The following TUBAL3 variants were observed in gnomAD, a reference collection of about 807,000 sequenced individuals.
TUBAL3 encodes tubulin alpha like 3.
In TUBAL3, 16 loss-of-function variants were observed where a neutral mutation model predicts 15.5. That is an observed-to-expected ratio of 1.04 (90% CI 0.70 to 1.57). The LOEUF (loss-of-function observed/expected upper bound fraction) is 1.57. Ranked by LOEUF, TUBAL3 falls within the 40% of genes most tolerant of loss-of-function variation. The pLI, the probability that TUBAL3 is intolerant of heterozygous loss-of-function variation, is 0.00. For synonymous variants in TUBAL3, 238 were observed against 224.3 expected, an observed-to-expected ratio of 1.06 and a Z score of -0.55; for missense variants, 609 against 576.2, an observed-to-expected ratio of 1.06 and a Z score of -0.58.
Position 5,395,595 on chromosome 10 carries a change from TC to T in TUBAL3, c.248-121del. ...CCCATGCTTTCTCTCAATATTGTGG[TC>T]CAGGAATGGAATTTAGATAGTGCTG... On this transcript the variant is annotated intron_variant, in intron 2 of 3. Transcript: ENST00000380419. The surrounding 1 kb of genome is among the most constrained non-coding windows in gnomAD (Gnocchi z 4.6). The T allele has an allele frequency of 8.7e-7, 1 of 1,146,778 alleles. No homozygotes were observed. The highest frequency in any genetic ancestry group is 1.2e-6 in the Non-Finnish European group (1 of 861,304). 71.0% of individuals were successfully genotyped at this position (1,146,778 alleles called of 1,614,324 possible).
intron 1 of TUBAL3, 34 bp from the exon 2 acceptor site, chr10:5,401,121 G>A: frequency 1.9e-6 from 3 of 1,609,082 alleles, no homozygotes; most frequent in Non-Finnish European, 2.5e-6. Flanking sequence ...GAACTGAGCA[G>A]GTGTTTAGAA....
intron 1 of TUBAL3, among the ~76,000 whole-genome samples, chr10:5,402,778 T>G (rs2119150061): frequency 6.6e-6 from 1 of 152,296 alleles, no homozygotes; most frequent in East Asian, 1.9e-4. Flanking sequence ...GGGATCTAGG[T>G]TGTGTGCTCC....
intron 1 of TUBAL3, 92 bp from the exon 2 acceptor site, chr10:5,401,179 C>T (rs1831846369): frequency 6.6e-7 from 1 of 1,515,342 alleles, no homozygotes; most frequent in African/African-American, 1.4e-5. Flanking sequence ...TGACAGAAAC[C>T]AAGCTAGCTT....
Position 5,404,779 on chromosome 10 carries a change from T to C in TUBAL3, c.3+11A>G, listed in dbSNP as rs1831904792. ...TTTCCTACAACAATGCATAGGCGTG[T>C]AGTCACTTACCATGCTGATGAGAAC... On this transcript the variant is annotated intron_variant, in intron 1 of 3. Coordinates refer to ENST00000380419, the MANE Select transcript of TUBAL3 (RefSeq NM_024803.3). 6.2e-7 allele frequency: 1 copy of C among 1,613,678 alleles called. No homozygotes were observed. Among genetic ancestry groups the C allele is most frequent in the Non-Finnish European group, 8.5e-7 (1 of 1,179,716 alleles).
In TUBAL3 at chr10:5,394,243, C is replaced by T. The variant is rs1554813849; in HGVS notation, c.615G>A (p.Thr205=). ...VLTTHSTTEH[T]DCTFMVDNEA... is the part of the protein sequence containing the mutation. The stretch of plus-strand genomic sequence containing the variant: ...CGTTGTCCACCATGAAGGTACAGTC[C>T]GTGTGCTCTGTGGTGGAGTGGGTGG... Residue 205 remains threonine, a synonymous_variant, in exon 4 of 4, where the codon ACG becomes ACA. Transcript: ENST00000380419. The surrounding 1 kb of genome is among the most constrained non-coding windows in gnomAD (Gnocchi z 4.3). The T allele has an allele frequency of 1.9e-6, 3 of 1,613,992 alleles. No individual in the cohort carries two copies. The African/African-American group carries it at 4.0e-5, about 22-fold the overall frequency.
intron 2 of TUBAL3, among the ~76,000 whole-genome samples, chr10:5,399,342 G>A (rs1402847584): frequency 2.6e-5 from 4 of 152,198 alleles, no homozygotes; most frequent in Non-Finnish European, 5.9e-5. Flanking sequence ...GAGTAATTAG[G>A]TCATAAGGGT....
At chr10:5,404,652 C>A in intron 1 of TUBAL3, 138 bp downstream of exon 1, 1 of 863,396 alleles carries the variant, frequency 1.2e-6, no homozygotes. Flanking sequence ...TCTACTTGGA[C>A]ATTGAAAGAA....
intron 2 of TUBAL3, 40 bp downstream of exon 2, chr10:5,400,804 G>A: frequency 6.2e-7 from 1 of 1,611,286 alleles, no homozygotes; most frequent in African/African-American, 1.3e-5. Flanking sequence ...GTTTGAGTGT[G>A]GCTCCAGTTA....
chr10:5,394,204 A>G lies in TUBAL3; in HGVS notation c.654T>C (p.Asp218=), dbSNP rs1831725254. The G allele has an allele frequency of 8.7e-6, 14 of 1,614,126 alleles. No homozygotes were observed. Among genetic ancestry groups the G allele is most frequent in the East Asian group, 2.2e-5 (1 of 44,882 alleles). Residue 218 remains aspartate, a synonymous_variant, in exon 4 of 4, where the codon GAT becomes GAC. Coordinates refer to ENST00000380419, the MANE Select transcript of TUBAL3 (RefSeq NM_024803.3). The surrounding 1 kb of genome is among the most constrained non-coding windows in gnomAD (Gnocchi z 4.3). The stretch of plus-strand genomic sequence containing the variant: ...CAACACCGAGTTTACGATGGCATAT[A>G]TCATAGACGGCCTCGTTGTCCACCA... ...TFMVDNEAVY[D]ICHRKLGVEC...
Position 5,400,847 on chromosome 10 carries a change from T to G in TUBAL3, c.244A>C (p.Ile82Leu). ...ALFVDLEPTVIDGIRTGQHRS... is the reference protein window; with the variant it reads ...ALFVDLEPTVLDGIRTGQHRS... Reference sequence around the variant, plus strand: ...TAGAATGGAACATTTATTGTACCTATAACAGTTGGCTCCAAGTCCACGAAG... The same window carrying G: ...TAGAATGGAACATTTATTGTACCTAGAACAGTTGGCTCCAAGTCCACGAAG... Residue 82 changes from isoleucine (I) to leucine (L), a missense_variant, in exon 2 of 4, where the codon ATA becomes CTA. Ile to Leu is a conservative substitution (Grantham distance 5, BLOSUM62 2). Coordinates refer to ENST00000380419, the MANE Select transcript of TUBAL3 (RefSeq NM_024803.3). 6.2e-7 allele frequency: 1 copy of G among 1,614,200 alleles called. No homozygotes were observed.
chr10:5,403,573 T>A (rs1831888282), intron 1 of TUBAL3, among the ~76,000 whole-genome samples: 3 of 151,666 alleles, frequency 2.0e-5, no homozygotes, highest in African/African-American at 7.3e-5. Context: ...CCTCTTCACG[T>A]GGTCTGTTCA....
rs949821243 is a variant in TUBAL3, at chr10:5,396,153, T to C, written c.248-678A>G. 1.1e-4 allele frequency among the ~76,000 whole-genome samples: 16 copies of C among 152,148 alleles called. No homozygotes were observed. Among genetic ancestry groups the C allele is most frequent in the Admixed American group, 3.3e-4 (5 of 15,290 alleles). On this transcript the variant is annotated intron_variant, in intron 2 of 3. Transcript: ENST00000380419. The surrounding 1 kb of genome is among the most constrained non-coding windows in gnomAD (Gnocchi z 5.1). ...AACCCACTGCCCACCCTAGGACACA[T>C]TGGCATTTTGAGACAAGTATTTTTA...
At chr10:5,399,759 A>G (rs560020038) in intron 2 of TUBAL3, among the ~76,000 whole-genome samples, 1 of 152,272 alleles carries the variant, frequency 6.6e-6, no homozygotes, top group East Asian at 1.9e-4. Flanking sequence ...AACAGCCAGC[A>G]CCAAGGGGCA....
intron 1 of TUBAL3, among the ~76,000 whole-genome samples, chr10:5,402,069 A>G (rs1395135567): frequency 6.6e-6 from 1 of 152,222 alleles, no homozygotes; most frequent in Non-Finnish European, 1.5e-5. Flanking sequence ...CATATAGAGT[A>G]TGATGTCCAA....
At chr10:5,401,123 T>C (rs782480665) in intron 1 of TUBAL3, 36 bp from the exon 2 acceptor site, 1 of 1,608,698 alleles carries the variant, frequency 6.2e-7, no homozygotes, top group Admixed American at 1.7e-5. Context: ...ACTGAGCAGG[T>C]GTTTAGAAAA....
At position 5,393,709 on chromosome 10, in the gene TUBAL3, G is replaced by T. The variant is rs782069663; in HGVS notation, c.1149C>A (p.Cys383Ter). The T allele has an allele frequency of 6.2e-7, 1 of 1,614,216 alleles. No individual in the cohort carries two copies. The highest frequency in any genetic ancestry group is 8.5e-7 in the Non-Finnish European group (1 of 1,180,042). Residue 383 changes from cysteine to a stop codon, truncating the protein, a stop_gained, in exon 4 of 4, where the codon TGC (cysteine) becomes TGA (stop). Coordinates refer to ENST00000380419, the MANE Select transcript of TUBAL3 (RefSeq NM_024803.3). LOFTEE classifies it high-confidence loss of function. ...CAATCGCCGTGGTGTTGCTCAGCAT[G>T]CAGATGGACCGGTGGACTTTGGCCA... ...GDLAKVHRSICMLSNTTAIVE... is the reference protein window; with the variant it reads ...GDLAKVHRSI
At chr10:5,400,812 T>G (rs1831838480) in intron 2 of TUBAL3, 32 bp downstream of exon 2, 2 of 1,612,352 alleles carry the variant, frequency 1.2e-6, no homozygotes, top group African/African-American at 2.7e-5. Context: ...GTGGCTCCAG[T>G]TAAGTATGCT....
intron 2 of TUBAL3, among the ~76,000 whole-genome samples, chr10:5,400,076 A>G (rs1237046022): frequency 2.6e-5 from 4 of 152,200 alleles, no homozygotes; most frequent in African/African-American, 9.7e-5. Flanking sequence ...GAGTTTTTGC[A>G]TGACATACTA....
At position 5,395,352 on chromosome 10, in the gene TUBAL3, AG is replaced by A. The variant is rs1554813991; in HGVS notation, c.370del (p.Val125CysfsTer19). 6.3e-7 allele frequency: 1 copy of A among 1,582,672 alleles called. No homozygotes were observed. Among genetic ancestry groups the A allele is most frequent in the Admixed American group, 1.7e-5 (1 of 57,864 alleles). Reference sequence around the variant, plus strand: ...CAGCTTCCGGGTCCTCTCCAGCACAAGGTCGATGACCTCCGACCCCACAGAG... The same window carrying A: ...CAGCTTCCGGGTCCTCTCCAGCACAAGTCGATGACCTCCGACCCCACAGAG... The part of the protein sequence containing the change: ...RYSVGSEVID[L>X]VLERTRKLAE... On this transcript the variant is annotated frameshift_variant, in exon 3 of 4. Coordinates refer to ENST00000380419, the MANE Select transcript of TUBAL3 (RefSeq NM_024803.3). LOFTEE classifies it low-confidence loss of function (END_TRUNC). The surrounding 1 kb of genome is among the most constrained non-coding windows in gnomAD (Gnocchi z 4.6).
Sources: allele counts gnomAD v4.1 joint callset (sites outside exome capture counted in the v4.1 genomes callset), GRCh38; gene constraint gnomAD v4.1.1; non-coding constraint Gnocchi (gnomAD v3.1); transcripts MANE v1.5; gene names NCBI Gene and HGNC (gene_info 2026-07-23, HGNC 2026-07-21).